The following MED27 variants were observed in gnomAD, a reference collection of about 807,000 sequenced individuals.
MED27 encodes mediator of RNA polymerase II transcription subunit 27.
Under a neutral mutation model 38.2 loss-of-function variants are expected in MED27, and 30 were observed. The observed-to-expected ratio is 0.79, with a 90% CI of 0.59 to 1.07. The LOEUF is 1.07. Among genes scored for constraint, MED27 ranks in the 50% least tolerant of loss-of-function variants. The pLI is 0.00. For missense variants in MED27, 289 were observed against 397.5 expected, an observed-to-expected ratio of 0.73 and a Z score of 2.32; for synonymous variants, 122 against 153.5, an observed-to-expected ratio of 0.79 and a Z score of 1.52.
In MED27 at chr9:131,957,309, C is replaced by T. The variant is rs150276646; in HGVS notation, c.480-17835G>A. Among the ~76,000 whole-genome samples the T allele has an allele frequency of 3.8e-3, 574 of 151,334 alleles. 3 individuals carry two copies. The highest frequency in any genetic ancestry group is 0.012 in the African/African-American group (507 of 41,236). ...AGGGTGTTGCTCAGGCTGGAGTGTG[C>T]GGTGATGTGATCATAGCTCACTGTA... On this transcript the variant is annotated intron_variant, in intron 3 of 7. Transcript: ENST00000292035.
chr9:131,967,974 T>G lies in MED27; in HGVS notation c.480-28500A>C, dbSNP rs139702776. Among the ~76,000 whole-genome samples, 383 of 152,042 alleles carry G rather than the reference T, an allele frequency of 2.5e-3. 10 individuals are homozygous for G. In the East Asian group the frequency reaches 0.058, roughly 23 times the overall value. ...CTGGGACTACAGGCATCCACCACCA[T>G]GCCCAGCTAATTTTTTGTATTTTTT... On this transcript the variant is annotated intron_variant, in intron 3 of 7. Coordinates refer to ENST00000292035, the MANE Select transcript of MED27 (RefSeq NM_004269.4).
intron 2 of MED27, among the ~76,000 whole-genome samples, chr9:132,046,689 C>T (rs957022561): frequency 6.6e-6 from 1 of 152,308 alleles, no homozygotes; most frequent in East Asian, 1.9e-4. Flanking sequence ...AGTGGGAACC[C>T]AGAAGAGCCT....
intron 3 of MED27, among the ~76,000 whole-genome samples, chr9:131,995,120 T>C (rs1832062499): frequency 1.3e-5 from 2 of 151,908 alleles, no homozygotes; most frequent in Admixed American, 6.6e-5. Context: ...GTCAAGGTCC[T>C]AGAAGGAAAA....
rs7028252 is a variant in MED27 at position 132,077,712 on chromosome 9, T to C, written c.204-126A>G. 0.036 allele frequency: 34,237 copies of C among 963,802 alleles called. 1,508 individuals carry two copies. Among genetic ancestry groups the C allele is most frequent in the African/African-American group, 0.16 (9,374 of 59,700 alleles). The allele number at this position is 963,802 out of a possible 1,614,324, so 59.7% of individuals were successfully genotyped here. A position where few individuals can be genotyped will look rare whatever the true frequency, so the allele number is the denominator to read the frequency against. On this transcript the variant is annotated intron_variant, in intron 1 of 7. Coordinates refer to ENST00000292035, the MANE Select transcript of MED27 (RefSeq NM_004269.4). ...GAAGTCCCTTAAGAAGAAATACTTT[T>C]TGAAAGGTTAAAAAATACTTGGGAC...
chr9:131,907,429 G>A (rs551387620), intron 4 of MED27, among the ~76,000 whole-genome samples: 5 of 152,248 alleles, frequency 3.3e-5, no homozygotes, highest in South Asian at 2.1e-4. Context: ...CGTGTTGGCC[G>A]GGCTGGTCTC....
intron 2 of MED27, among the ~76,000 whole-genome samples, chr9:132,027,194 A>G (rs947121640): frequency 4.6e-5 from 7 of 152,208 alleles, no homozygotes; most frequent in Non-Finnish European, 8.8e-5. Context: ...TTATCCAGTT[A>G]GGACTGCAGG....
chr9:131,991,728 A>G (rs892541363), intron 3 of MED27, among the ~76,000 whole-genome samples: 2 of 152,102 alleles, frequency 1.3e-5, no homozygotes, highest in Admixed American at 1.3e-4. Flanking sequence ...TTGTTTGTTT[A>G]TTTATTTATT....
rs1838845337 is a variant in MED27 at position 131,872,043 on chromosome 9, G to A, written c.724-8903C>T. On this transcript the variant is annotated intron_variant, in intron 6 of 7. Transcript: ENST00000292035. The surrounding 1 kb of genome is among the most constrained non-coding windows in gnomAD (Gnocchi z 5.6). ...GCCCCAGGGGGCATGCTCCTGGGCC[G>A]GAGTGGAGGCTGGCGACGCAGCATG... 1.3e-5 allele frequency among the ~76,000 whole-genome samples: 2 copies of A among 152,210 alleles called. No homozygotes were observed. Among genetic ancestry groups the A allele is most frequent in the Non-Finnish European group, 2.9e-5 (2 of 68,048 alleles).
intron 2 of MED27, among the ~76,000 whole-genome samples, chr9:132,039,373 A>ATAATAG (rs1192533546): frequency 6.6e-6 from 1 of 152,162 alleles, no homozygotes; most frequent in Non-Finnish European, 1.5e-5. Context: ...AACGATAATA[A>ATAATAG]TAATAGTACA....
chr9:131,927,949 C>A (rs1830512164), intron 4 of MED27, among the ~76,000 whole-genome samples: 1 of 152,154 alleles, frequency 6.6e-6, no homozygotes, highest in Non-Finnish European at 1.5e-5. Flanking sequence ...AAAATGGGAT[C>A]ACCAAAACCT....
intron 2 of MED27, among the ~76,000 whole-genome samples, chr9:132,033,223 A>G (rs140763256): frequency 1.4e-4 from 21 of 152,318 alleles, no homozygotes; most frequent in African/African-American, 5.1e-4. Context: ...TTGTCTGTAA[A>G]GGGCACAGGT....
At chr9:131,980,571 C>G (rs1008388673) in intron 3 of MED27, among the ~76,000 whole-genome samples, 4 of 152,176 alleles carry the variant, frequency 2.6e-5, no homozygotes, top group African/African-American at 9.7e-5. Context: ...TCACTCTTCA[C>G]TTATCAGGAA....
intron 3 of MED27, among the ~76,000 whole-genome samples, chr9:131,992,724 T>G (rs941321574): frequency 2.0e-5 from 3 of 152,160 alleles, no homozygotes; most frequent in African/African-American, 7.2e-5. Flanking sequence ...TAAAGAGGAA[T>G]GCACATATTC....
At chr9:131,949,920 G>GA (rs1830956629) in intron 3 of MED27, among the ~76,000 whole-genome samples, 1 of 152,008 alleles carries the variant, frequency 6.6e-6, no homozygotes, top group Admixed American at 6.5e-5. Flanking sequence ...AGGGAGGAGT[G>GA]AAACAGTGAA....
At chr9:131,984,652 T>C (rs1196475298) in intron 3 of MED27, among the ~76,000 whole-genome samples, 1 of 152,196 alleles carries the variant, frequency 6.6e-6, no homozygotes, top group Non-Finnish European at 1.5e-5. Flanking sequence ...GGAGGTGTCA[T>C]TTCAGCTAAA....
At chr9:131,876,918 C>T (rs979890570) in intron 6 of MED27, among the ~76,000 whole-genome samples, 2 of 152,202 alleles carry the variant, frequency 1.3e-5, no homozygotes, top group African/African-American at 4.8e-5. Flanking sequence ...AGCAACAGAA[C>T]GCACAGAAAC....
chr9:132,077,966 C>T (rs1442254026), intron 1 of MED27, among the ~76,000 whole-genome samples: 1 of 152,180 alleles, frequency 6.6e-6, no homozygotes, highest in Non-Finnish European at 1.5e-5. Flanking sequence ...ACGTGCAGAT[C>T]ATTACACTTG....
At chr9:131,948,782 T>C (rs879245276) in intron 3 of MED27, among the ~76,000 whole-genome samples, 1 of 152,202 alleles carries the variant, frequency 6.6e-6, no homozygotes, top group African/African-American at 2.4e-5. Context: ...GAGGAAGAGC[T>C]GCTTCCTGGG....
At position 131,924,698 on chromosome 9, in the gene MED27, C is replaced by T. The variant is rs191297987; in HGVS notation, c.573+14683G>A. ...CTGTTTGTCTACTTATGAGCCAGTA[C>T]TGCACTGTTCTAATGATACAGGTTT... is the stretch of plus-strand genomic sequence containing the variant. On this transcript the variant is annotated intron_variant, in intron 4 of 7. Transcript: ENST00000292035. 2.2e-3 allele frequency among the ~76,000 whole-genome samples: 333 copies of T among 152,266 alleles called. 1 individual carries two copies. The highest frequency in any genetic ancestry group is 3.7e-3 in the Non-Finnish European group (255 of 68,012).
Sources: gnomAD v4.1 joint callset for allele counts (sites outside exome capture counted in the v4.1 genomes callset) on GRCh38, gnomAD v4.1.1 for gene constraint, Gnocchi (gnomAD v3.1) non-coding constraint, MANE v1.5 for transcripts, NCBI Gene and HGNC (gene_info 2026-07-23, HGNC 2026-07-21) for gene names.